Variants in EVI5 observed in about 807,000 individuals in gnomAD.
EVI5 encodes ecotropic viral integration site 5 protein homolog.
EVI5 carries 73 observed loss-of-function variants against 112.0 expected under a neutral mutation model. The observed-to-expected ratio is 0.65, with a 90% CI of 0.54 to 0.79. EVI5 has a LOEUF of 0.79. Among genes scored for constraint, EVI5 ranks in the 30% least tolerant of loss-of-function variants. EVI5 has a pLI of 0.00. For synonymous variants in EVI5, 305 were observed against 319.9 expected, an observed-to-expected ratio of 0.95 and a Z score of 0.50; for missense variants, 900 against 968.8, an observed-to-expected ratio of 0.93 and a Z score of 0.94.
chr1:92,611,899 A>C (rs1397752088), intron 16 of EVI5, among the ~76,000 whole-genome samples: 1 of 151,938 alleles, frequency 6.6e-6, no homozygotes, highest in Middle Eastern at 3.2e-3. Flanking sequence ...AAGCCTGGAC[A>C]AAACAGTGAG....
Position 92,778,817 on chromosome 1 carries a change from T to A in EVI5, c.-82+6019A>T, listed in dbSNP as rs575572071. ...GGGATATGAAGGAATTTTCTAGAAT[T>A]TTTTGCCATGCTCTACATCTTATAT... On this transcript the variant is annotated intron_variant, in intron 1 of 19. Transcript: ENST00000684568. 3.3e-5 allele frequency among the ~76,000 whole-genome samples: 5 copies of A among 152,332 alleles called. No homozygotes were observed. The East Asian group carries it at 9.6e-4, about 29-fold the overall frequency.
At chr1:92,777,234 C>T (rs939204371) in intron 1 of EVI5, among the ~76,000 whole-genome samples, 3 of 152,190 alleles carry the variant, frequency 2.0e-5, no homozygotes, top group African/African-American at 4.8e-5. Context: ...CACCACCACG[C>T]CCGGCCCATT....
At chr1:92,788,851 T>G (rs1373188859), upstream of EVI5, among the ~76,000 whole-genome samples, 2 of 152,154 alleles carry the variant, frequency 1.3e-5, no homozygotes, top group South Asian at 4.1e-4. Context: ...TTTTAAAATC[T>G]AATAGCTAAC....
chr1:92,546,986 C>G (rs1665825849), intron 19 of EVI5, among the ~76,000 whole-genome samples: 1 of 152,204 alleles, frequency 6.6e-6, no homozygotes, highest in Admixed American at 6.5e-5. Context: ...CTCAGCTCTG[C>G]ACCAAGCGAA....
At chr1:92,694,628 A>T (rs1670019620) in intron 7 of EVI5, among the ~76,000 whole-genome samples, 2 of 152,222 alleles carry the variant, frequency 1.3e-5, no homozygotes, top group Non-Finnish European at 2.9e-5. Context: ...ATAAATGGGC[A>T]GGGTTGTGTT....
rs1416636006 is a variant in EVI5 at position 92,658,531 on chromosome 1, G to T, written c.1392+4188C>A. ...GGGAATACTGTTAACCAAGGAGGTG[G>T]AAGATCTTTACAAGGAAAACTTCAA... On this transcript the variant is annotated intron_variant, in intron 13 of 19. Coordinates refer to ENST00000684568, the MANE Select transcript of EVI5 (RefSeq NM_001350197.2). Among the ~76,000 whole-genome samples, 6 of 152,156 alleles carry T rather than the reference G, an allele frequency of 3.9e-5. No individual in the cohort carries two copies. The South Asian group carries it at 8.3e-4, about 21-fold the overall frequency.
chr1:92,630,694 TG>T (rs1247145089), intron 14 of EVI5, among the ~76,000 whole-genome samples: 1 of 152,182 alleles, frequency 6.6e-6, no homozygotes, highest in Non-Finnish European at 1.5e-5. Flanking sequence ...TTGTCAATTT[TG>T]GCTTTTGTTG....
intron 13 of EVI5, among the ~76,000 whole-genome samples, chr1:92,661,135 C>T (rs1342184011): frequency 6.6e-6 from 1 of 151,896 alleles, no homozygotes; most frequent in Non-Finnish European, 1.5e-5. Flanking sequence ...TATAAATTGC[C>T]ACTATTTGGC....
chr1:92,715,823 C>T (rs954614487), intron 2 of EVI5, among the ~76,000 whole-genome samples: 3 of 152,238 alleles, frequency 2.0e-5, no homozygotes, highest in East Asian at 3.9e-4. Context: ...GCGCCTGGCT[C>T]GGTGGGTCCC....
chr1:92,718,691 A>T lies in EVI5; in HGVS notation c.150-13947T>A, dbSNP rs7539919. Among the ~76,000 whole-genome samples, 212 of 152,196 alleles carry T rather than the reference A, an allele frequency of 1.4e-3. 1 individual carries two copies. The highest frequency in any genetic ancestry group is 5.0e-3 in the African/African-American group (206 of 41,544). On this transcript the variant is annotated intron_variant, in intron 2 of 19. Transcript: ENST00000684568. ...AGCAGAAGGCAAGAAATAACTAAGA[A>T]CAGAGCAGAACTGAAGGAGATAGAG...
chr1:92,719,968 G>C (rs1164827557), intron 2 of EVI5, among the ~76,000 whole-genome samples: 1 of 151,962 alleles, frequency 6.6e-6, no homozygotes, highest in Non-Finnish European at 1.5e-5. Context: ...CAATTTACAA[G>C]GGATGTGAAG....
intron 2 of EVI5, among the ~76,000 whole-genome samples, chr1:92,705,942 T>G (rs890939779): frequency 6.6e-6 from 1 of 152,192 alleles, no homozygotes; most frequent in African/African-American, 2.4e-5. Context: ...CCTTAGAACA[T>G]TTAGCTCAAT....
chr1:92,649,517 T>G (rs1661680589), intron 13 of EVI5, among the ~76,000 whole-genome samples: 1 of 152,242 alleles, frequency 6.6e-6, no homozygotes, highest in African/African-American at 2.4e-5. Context: ...AACATGTTAT[T>G]TTTAAATCAT....
intron 18 of EVI5, among the ~76,000 whole-genome samples, chr1:92,578,569 T>G (rs921256819): frequency 6.6e-6 from 1 of 151,668 alleles, no homozygotes. Context: ...ATACAAAAAA[T>G]TAGCTGGGCG....
intron 18 of EVI5, among the ~76,000 whole-genome samples, chr1:92,591,133 C>T (rs570749892): frequency 6.6e-6 from 1 of 152,324 alleles, no homozygotes; most frequent in Admixed American, 6.5e-5. Flanking sequence ...TGGAAAGGAA[C>T]AACTGATACC....
chr1:92,650,008 T>C (rs1255162396), intron 13 of EVI5, among the ~76,000 whole-genome samples: 2 of 152,234 alleles, frequency 1.3e-5, no homozygotes, highest in African/African-American at 2.4e-5. Context: ...TATGGGTTTA[T>C]TTCTGGACTC....
chr1:92,790,547 T>A (rs1686018394), intron 1 of EVI5, among the ~76,000 whole-genome samples: 1 of 150,816 alleles, frequency 6.6e-6, no homozygotes. Flanking sequence ...AAATGAAGGC[T>A]CACAATGAAA....
intron 1 of EVI5, among the ~76,000 whole-genome samples, chr1:92,747,975 C>T (rs1208408127): frequency 6.6e-6 from 1 of 152,108 alleles, no homozygotes; most frequent in African/African-American, 2.4e-5. Context: ...ACTGTATCTT[C>T]CCTAATTACA....
At chr1:92,696,972 G>A (rs560492392) in intron 6 of EVI5, among the ~76,000 whole-genome samples, 6 of 152,096 alleles carry the variant, frequency 3.9e-5, no homozygotes, top group Admixed American at 6.5e-5. Context: ...CCCAGGAGGC[G>A]GAGCTTGCAG....
Sources: gnomAD v4.1 joint callset for allele counts (sites outside exome capture counted in the v4.1 genomes callset) on GRCh38, gnomAD v4.1.1 for gene constraint, MANE v1.5 for transcripts, NCBI Gene and HGNC (gene_info 2026-07-23, HGNC 2026-07-21) for gene names.